Variants in CA10 observed in about 807,000 individuals in gnomAD.
CA10 encodes carbonic anhydrase 10 (inactive), also known as carbonic anhydrase-related protein 10.
In CA10, 14 loss-of-function variants were observed where a neutral mutation model predicts 44.2. The observed-to-expected ratio is 0.32, with a 90% CI of 0.21 to 0.50. The LOEUF (loss-of-function observed/expected upper bound fraction) is 0.50. Among genes scored for constraint, CA10 ranks in the 20% least tolerant of loss-of-function variants. The pLI is 0.99. For missense variants in CA10, 350 were observed against 409.7 expected (o/e 0.85, Z 1.26); for synonymous variants, 159 against 141.6 (o/e 1.12, Z -0.87).
chr17:51,965,562 A>G (rs1984050496), intron 2 of CA10, among the ~76,000 whole-genome samples: 1 of 152,072 alleles, frequency 6.6e-6, no homozygotes, highest in Non-Finnish European at 1.5e-5. Context: ...ACATACACAA[A>G]TCAATACATG....
intron 1 of CA10, among the ~76,000 whole-genome samples, chr17:52,148,516 G>A (rs12150318): frequency 0.17 from 25,203 of 152,096 alleles, 2,269 homozygotes; most frequent in African/African-American, 0.21. Context: ...ATTGCTCATT[G>A]GGAAGGTTCC....
intron 2 of CA10, among the ~76,000 whole-genome samples, chr17:51,992,914 A>G (rs1985093637): frequency 6.6e-6 from 1 of 152,148 alleles, no homozygotes; most frequent in Non-Finnish European, 1.5e-5. Flanking sequence ...AAAAAAGGTG[A>G]ACTTGTCTTT....
chr17:51,746,785 C>T (rs758469203), intron 4 of CA10, among the ~76,000 whole-genome samples: 7 of 152,096 alleles, frequency 4.6e-5, no homozygotes, highest in Non-Finnish European at 8.8e-5. Context: ...AGTGCTTGGC[C>T]TTAACACACT....
At chr17:52,062,300 T>C (rs78911445) in intron 2 of CA10, among the ~76,000 whole-genome samples, 2,142 of 152,062 alleles carry the variant, frequency 0.014, 48 homozygotes, top group African/African-American at 0.049. Flanking sequence ...AAGGTGGAAT[T>C]TGTAATTAAA....
chr17:51,974,561 A>C lies in CA10; in HGVS notation c.137-43429T>G, dbSNP rs76678197. Among the ~76,000 whole-genome samples, 365 of 152,204 alleles carry C rather than the reference A, an allele frequency of 2.4e-3. 1 individual carries two copies. In the Middle Eastern group the frequency reaches 0.041, roughly 17 times the overall value. ...AAGAGCTTCAATGATCTGTGAGACAATGTCAAATAGTCCAAATAGTCTAAT... is the reference window on the plus strand; with the variant it reads ...AAGAGCTTCAATGATCTGTGAGACACTGTCAAATAGTCCAAATAGTCTAAT... On this transcript the variant is annotated intron_variant, in intron 2 of 8. Transcript: ENST00000451037.
chr17:51,852,946 C>T (rs1473618251), intron 3 of CA10, among the ~76,000 whole-genome samples: 1 of 152,002 alleles, frequency 6.6e-6, no homozygotes, highest in African/African-American at 2.4e-5. Context: ...AGAAAAATGG[C>T]TTTAGAAATG....
At chr17:52,041,210 ATATC>A (rs1417256297) in intron 2 of CA10, among the ~76,000 whole-genome samples, 2 of 152,120 alleles carry the variant, frequency 1.3e-5, no homozygotes, top group Admixed American at 1.3e-4. Context: ...AAAATTCACA[ATATC>A]TACCATCAAT....
intron 1 of CA10, among the ~76,000 whole-genome samples, chr17:52,118,430 A>C (rs1988944712): frequency 6.6e-6 from 1 of 152,164 alleles, no homozygotes; most frequent in Admixed American, 6.5e-5. Context: ...TGGTAATCTG[A>C]AATTCTATTT....
intron 3 of CA10, among the ~76,000 whole-genome samples, chr17:51,924,638 G>A (rs1313296456): frequency 2.6e-5 from 4 of 152,158 alleles, no homozygotes; most frequent in Non-Finnish European, 5.9e-5. Context: ...GAGGAAAGGA[G>A]TGCAGTCAGA....
At chr17:52,080,765 T>C (rs1012095975) in intron 1 of CA10, among the ~76,000 whole-genome samples, 8 of 152,290 alleles carry the variant, frequency 5.3e-5, no homozygotes, top group African/African-American at 1.4e-4. Flanking sequence ...TTTCTTGACC[T>C]GGTCTTACTC....
At chr17:51,647,395 A>G (rs1913383778) in intron 6 of CA10, among the ~76,000 whole-genome samples, 1 of 152,102 alleles carries the variant, frequency 6.6e-6, no homozygotes, top group African/African-American at 2.4e-5. Flanking sequence ...GGCTCCCCAC[A>G]CTTGGAATGC....
chr17:51,790,343 G>A (rs1408185864), intron 3 of CA10, among the ~76,000 whole-genome samples: 2 of 152,130 alleles, frequency 1.3e-5, no homozygotes, highest in Non-Finnish European at 2.9e-5. Context: ...CGTGAAACAG[G>A]ATGACATGCC....
chr17:52,027,982 G>A (rs564270404), intron 2 of CA10, among the ~76,000 whole-genome samples: 1 of 152,140 alleles, frequency 6.6e-6, no homozygotes, highest in Non-Finnish European at 1.5e-5. Flanking sequence ...TTTGGCTGAG[G>A]TGAGTTCTCT....
chr17:51,857,619 G>A (rs16950654), intron 3 of CA10, among the ~76,000 whole-genome samples: 2,100 of 152,048 alleles, frequency 0.014, 52 homozygotes, highest in African/African-American at 0.049. Context: ...ACTTACTATC[G>A]CAACAAACTA....
At chr17:51,847,302 T>C (rs1302495375) in intron 3 of CA10, among the ~76,000 whole-genome samples, 1 of 152,158 alleles carries the variant, frequency 6.6e-6, no homozygotes, top group Non-Finnish European at 1.5e-5. Context: ...AGAAGGCAAA[T>C]GAAGTAGTCT....
At chr17:52,130,504 C>G (rs1391073809) in intron 1 of CA10, among the ~76,000 whole-genome samples, 3 of 152,048 alleles carry the variant, frequency 2.0e-5, no homozygotes, top group Non-Finnish European at 4.4e-5. Context: ...TTTGCAACAC[C>G]ATGTATAAAC....
intron 4 of CA10, among the ~76,000 whole-genome samples, chr17:51,682,793 G>A (rs558910592): frequency 3.0e-5 from 4 of 132,280 alleles, no homozygotes; most frequent in East Asian, 2.2e-4. Flanking sequence ...CCTGATAAAC[G>A]TGGGGCAAAG....
intron 4 of CA10, among the ~76,000 whole-genome samples, chr17:51,668,483 C>T (rs564677616): frequency 3.3e-4 from 51 of 152,314 alleles, no homozygotes; most frequent in East Asian, 9.7e-4. Flanking sequence ...CAAAGTCACT[C>T]GGTTGTTTAT....
At chr17:51,705,793 G>C (rs1202664365) in intron 4 of CA10, among the ~76,000 whole-genome samples, 1 of 152,178 alleles carries the variant, frequency 6.6e-6, no homozygotes, top group Non-Finnish European at 1.5e-5. Context: ...AGCCACTGCT[G>C]AGCTGCTGAC....
Sources: allele counts gnomAD v4.1 joint callset (sites outside exome capture counted in the v4.1 genomes callset), GRCh38; gene constraint gnomAD v4.1.1; transcripts MANE v1.5; gene names NCBI Gene and HGNC (gene_info 2026-07-23, HGNC 2026-07-21).